KIAA0825: variants seen among roughly 807,000 people sequenced by gnomAD.
KIAA0825 encodes the protein uncharacterized protein KIAA0825.
Under a neutral mutation model 147.6 loss-of-function variants are expected in KIAA0825, and 119 were observed. The ratio of observed to expected loss-of-function variants is 0.81; its 90% CI spans 0.69 to 0.94. KIAA0825 has a LOEUF of 0.94. KIAA0825 is among the 40% of genes least tolerant of loss of function. The pLI is 0.00. For synonymous variants in KIAA0825, 470 were observed against 518.1 expected, an observed-to-expected ratio of 0.91 and a Z score of 1.26; for missense variants, 1,381 against 1,472.7, an observed-to-expected ratio of 0.94 and a Z score of 1.02.
intron 20 of KIAA0825, among the ~76,000 whole-genome samples, chr5:94,226,138 A>G (rs927871587): frequency 3.9e-5 from 6 of 152,246 alleles, no homozygotes; most frequent in African/African-American, 1.4e-4. Flanking sequence ...AATATCCAGA[A>G]TCTACAAAGA....
chr5:94,153,046 T>C lies in KIAA0825; in HGVS notation c.*961A>G, dbSNP rs1222881556. 2 of 149,806 alleles carry C rather than the reference T, an allele frequency of 1.3e-5. No individual in the cohort carries two copies. The highest frequency in any genetic ancestry group is 4.9e-5 in the African/African-American group (2 of 40,876). 9.3% of individuals were successfully genotyped at this position (149,806 alleles called of 1,614,324 possible). A position where few individuals can be genotyped will look rare whatever the true frequency, so the allele number is the denominator to read the frequency against. On this transcript the variant is annotated 3_prime_UTR_variant, in exon 21 of 21. Transcript: ENST00000682413. Reference sequence around the variant, plus strand: ...ACTGTAGTAGGCATACAGGGAGTTATAAAGGGAGACTTCATATTATATCAT... The same window carrying C: ...ACTGTAGTAGGCATACAGGGAGTTACAAAGGGAGACTTCATATTATATCAT...
chr5:94,315,981 A>G (rs1030474080), intron 20 of KIAA0825, among the ~76,000 whole-genome samples: 2 of 151,782 alleles, frequency 1.3e-5, no homozygotes, highest in Non-Finnish European at 2.9e-5. Context: ...GCCAGTCACA[A>G]TAATAAAATC....
intron 4 of KIAA0825, among the ~76,000 whole-genome samples, chr5:94,522,731 G>A (rs1215707766): frequency 6.6e-6 from 1 of 151,528 alleles, no homozygotes; most frequent in Non-Finnish European, 1.5e-5. Flanking sequence ...AAAATAACAT[G>A]ATCAATTATG....
intron 3 of KIAA0825, among the ~76,000 whole-genome samples, chr5:94,532,069 AC>A (rs1770905829): frequency 1.3e-5 from 2 of 152,192 alleles, no homozygotes; most frequent in African/African-American, 4.8e-5. Flanking sequence ...TGGAATATGT[AC>A]CATCTCATTA....
At chr5:94,498,640 T>C (rs1764661278) in intron 5 of KIAA0825, among the ~76,000 whole-genome samples, 3 of 152,216 alleles carry the variant, frequency 2.0e-5, no homozygotes, top group Admixed American at 2.0e-4. Context: ...AGATGAGAAA[T>C]GGAAGAACAA....
chr5:94,611,644 T>C (rs1315912893), intron 1 of KIAA0825, among the ~76,000 whole-genome samples: 2 of 148,040 alleles, frequency 1.4e-5, no homozygotes, highest in African/African-American at 4.9e-5. Context: ...GATCCCAAAG[T>C]GCTGGGATTA....
intron 20 of KIAA0825, among the ~76,000 whole-genome samples, chr5:94,276,989 C>T (rs1213122061): frequency 6.6e-6 from 1 of 152,126 alleles, no homozygotes; most frequent in Admixed American, 6.5e-5. Flanking sequence ...TTGGAAATAA[C>T]TAAGCAGGCA....
intron 20 of KIAA0825, among the ~76,000 whole-genome samples, chr5:94,158,445 G>T (rs1004614726): frequency 1.2e-4 from 18 of 152,230 alleles, no homozygotes; most frequent in Admixed American, 1.2e-3. Context: ...ACTATGTCTA[G>T]AGAGTACTTC....
chr5:94,404,860 G>A (rs1217162619), intron 15 of KIAA0825, among the ~76,000 whole-genome samples: 2 of 152,114 alleles, frequency 1.3e-5, no homozygotes, highest in Admixed American at 1.3e-4. Flanking sequence ...CACTTTAGGA[G>A]GGGCTTCGGT....
chr5:94,527,254 A>T (rs1769495291), intron 3 of KIAA0825, among the ~76,000 whole-genome samples: 1 of 152,072 alleles, frequency 6.6e-6, no homozygotes, highest in Non-Finnish European at 1.5e-5. Context: ...TAACAATAGC[A>T]GTCCGGGAGC....
chr5:94,447,052 C>T (rs943313183), intron 13 of KIAA0825, among the ~76,000 whole-genome samples: 6 of 152,040 alleles, frequency 3.9e-5, no homozygotes, highest in Non-Finnish European at 7.4e-5. Context: ...ATTGGATGGA[C>T]GTACCATTAG....
chr5:94,220,027 G>A (rs746736569), intron 20 of KIAA0825, among the ~76,000 whole-genome samples: 1 of 152,064 alleles, frequency 6.6e-6, no homozygotes, highest in African/African-American at 2.4e-5. Flanking sequence ...TTTGACTCTT[G>A]TAATAACATT....
At chr5:94,188,105 C>G in intron 20 of KIAA0825, among the ~76,000 whole-genome samples, 1 of 152,308 alleles carries the variant, frequency 6.6e-6, no homozygotes, top group East Asian at 1.9e-4. Context: ...CTGTCTACAA[C>G]CCAGAAGAGG....
chr5:94,234,202 T>TA (rs941833496), intron 20 of KIAA0825, among the ~76,000 whole-genome samples: 19 of 147,340 alleles, frequency 1.3e-4, no homozygotes, highest in Admixed American at 1.4e-4. Flanking sequence ...CCGTCTCTAC[T>TA]AAAAAAAAAA....
chr5:94,232,336 G>A (rs892976947), intron 20 of KIAA0825, among the ~76,000 whole-genome samples: 20 of 151,924 alleles, frequency 1.3e-4, no homozygotes, highest in Admixed American at 1.2e-3. Context: ...ATTTGTTTCC[G>A]TTTTCTTCCT....
chr5:94,435,944 T>C (rs1319043562), intron 14 of KIAA0825, among the ~76,000 whole-genome samples: 2 of 152,244 alleles, frequency 1.3e-5, no homozygotes, highest in Admixed American at 1.3e-4. Context: ...TGTCTGTTCA[T>C]GTCCTTTGCC....
At position 94,386,305 on chromosome 5, in the gene KIAA0825, G is replaced by A. The variant is rs1435426061; in HGVS notation, c.3556C>T (p.Pro1186Ser). 1 of 1,551,464 alleles carries A rather than the reference G, an allele frequency of 6.4e-7. No homozygotes were observed. ...KTTLRSIEDQ[P>S]SAFNPFHVYK... ...ACATGGAAAGGGTTAAAGGCAGAAG[G>A]CTGATCTTCTATACTCCTCAAGGTC... The change falls in exon 19 of 21, where the codon CCT becomes TCT. Residue 1186 changes from proline (P) to serine (S), a missense_variant. Pro to Ser is a moderately conservative substitution (Grantham distance 74, BLOSUM62 -1). Coordinates refer to ENST00000682413, the MANE Select transcript of KIAA0825 (RefSeq NM_001145678.3).
intron 20 of KIAA0825, among the ~76,000 whole-genome samples, chr5:94,207,001 A>C (rs1469593654): frequency 2.6e-5 from 4 of 152,078 alleles, no homozygotes; most frequent in Non-Finnish European, 5.9e-5. Context: ...TATCATTTTT[A>C]GTTATTTATT....
intron 20 of KIAA0825, among the ~76,000 whole-genome samples, chr5:94,187,393 GAGAA>G (rs1340882617): frequency 1.4e-5 from 2 of 140,744 alleles, no homozygotes; most frequent in Non-Finnish European, 3.1e-5. Flanking sequence ...AGAAATCTGA[GAGAA>G]AGGAGTTTTT....
Sources: gnomAD v4.1 joint callset for allele counts (sites outside exome capture counted in the v4.1 genomes callset) on GRCh38, gnomAD v4.1.1 for gene constraint, MANE v1.5 for transcripts, NCBI Gene and HGNC (gene_info 2026-07-23, HGNC 2026-07-21) for gene names.